TNS3: variants seen among roughly 807,000 people sequenced by gnomAD.
The protein encoded by TNS3 is tensin 3.
TNS3 carries 45 observed loss-of-function variants against 140.9 expected under a neutral mutation model. That is an observed-to-expected ratio of 0.32 (90% CI 0.25 to 0.41). The LOEUF (loss-of-function observed/expected upper bound fraction) is 0.41, where lower values mean the gene tolerates loss of function less well. TNS3 is among the 10% of genes least tolerant of loss of function. TNS3 has a pLI of 1.00. For missense variants in TNS3, 1,716 were observed against 1,906.7 expected, an observed-to-expected ratio of 0.90 and a Z score of 1.86; for synonymous variants, 815 against 788.4, an observed-to-expected ratio of 1.03 and a Z score of -0.56.
intron 3 of TNS3, among the ~76,000 whole-genome samples, chr7:47,501,578 G>A (rs2151863821): frequency 6.6e-6 from 1 of 152,320 alleles, no homozygotes; most frequent in Middle Eastern, 3.4e-3. Flanking sequence ...TGGAAGATGA[G>A]ACAGGCTCAA....
chr7:47,544,232 T>G (rs568571347), intron 1 of TNS3, among the ~76,000 whole-genome samples: 1 of 144,082 alleles, frequency 6.9e-6, no homozygotes, highest in East Asian at 2.3e-4. Flanking sequence ...AGCATCTTCC[T>G]TCCTTCACCT....
chr7:47,438,134 T>C (rs892873450), intron 6 of TNS3, among the ~76,000 whole-genome samples: 1 of 152,216 alleles, frequency 6.6e-6, no homozygotes, highest in South Asian at 2.1e-4. Flanking sequence ...GAGTCAGAGA[T>C]GTGAGGAAAG....
chr7:47,296,952 A>C, intron 24 of TNS3, 130 bp downstream of exon 24: 2 of 1,220,528 alleles, frequency 1.6e-6, no homozygotes, highest in African/African-American at 1.5e-5. Flanking sequence ...ATATACCTGA[A>C]AAAATAAATA....
At chr7:47,303,786 A>G (rs1329818505) in intron 21 of TNS3, among the ~76,000 whole-genome samples, 1 of 152,166 alleles carries the variant, frequency 6.6e-6, no homozygotes, top group Non-Finnish European at 1.5e-5. Flanking sequence ...CCCCCATTTC[A>G]TGCCTGGATG....
intron 28 of TNS3, among the ~76,000 whole-genome samples, chr7:47,282,702 A>G (rs916648367): frequency 5.3e-5 from 8 of 152,144 alleles, no homozygotes; most frequent in Non-Finnish European, 1.0e-4. Context: ...AGGGTCATCT[A>G]CTGGTCAGTG....
intron 1 of TNS3, among the ~76,000 whole-genome samples, chr7:47,538,520 G>T (rs1296183997): frequency 6.6e-6 from 1 of 152,180 alleles, no homozygotes; most frequent in Non-Finnish European, 1.5e-5. Flanking sequence ...ACATGCCTTG[G>T]ATGTGGGGAG....
chr7:47,573,718 C>T (rs908706193), intron 1 of TNS3, among the ~76,000 whole-genome samples: 1 of 152,114 alleles, frequency 6.6e-6, no homozygotes. Context: ...GCAGGCCTGC[C>T]CGGCCAGGGA....
rs1249401158 is a variant in TNS3, at chr7:47,488,860, A to T, written c.-114-7719T>A. ...CTCATCATTCAAGGCTGCTTTTCCAATGGTGCCTGGGGACAGGGGGCTAGG... is the reference window on the plus strand; with the variant it reads ...CTCATCATTCAAGGCTGCTTTTCCATTGGTGCCTGGGGACAGGGGGCTAGG... On this transcript the variant is annotated intron_variant, in intron 3 of 30. Coordinates refer to ENST00000311160, the MANE Select transcript of TNS3 (RefSeq NM_022748.12). 2.6e-5 allele frequency among the ~76,000 whole-genome samples: 4 copies of T among 152,250 alleles called. No individual in the cohort carries two copies. In the East Asian group the frequency reaches 7.7e-4, roughly 29 times the overall value.
At chr7:47,285,090 C>T (rs1785345991) in intron 27 of TNS3, among the ~76,000 whole-genome samples, 1 of 152,198 alleles carries the variant, frequency 6.6e-6, no homozygotes, top group Admixed American at 6.5e-5. Context: ...GGTGTGCTGG[C>T]AGGTGGTCTG....
At chr7:47,536,030 T>G (rs1304510799) in intron 1 of TNS3, among the ~76,000 whole-genome samples, 1 of 152,202 alleles carries the variant, frequency 6.6e-6, no homozygotes, top group African/African-American at 2.4e-5. Context: ...TTTACTCTGA[T>G]GTTAAACAGC....
chr7:47,341,365 G>C (rs927289372), intron 20 of TNS3, among the ~76,000 whole-genome samples: 3 of 152,178 alleles, frequency 2.0e-5, no homozygotes, highest in Admixed American at 6.5e-5. Context: ...GAAACCTGAA[G>C]ATTTCTTTTT....
intron 1 of TNS3, among the ~76,000 whole-genome samples, chr7:47,568,859 G>A (rs966322044): frequency 8.5e-5 from 13 of 152,248 alleles, no homozygotes; most frequent in Non-Finnish European, 1.9e-4. Flanking sequence ...GTGGGCCGCA[G>A]CCTCTTTGAG....
chr7:47,394,478 T>A (rs1393715025), intron 16 of TNS3, among the ~76,000 whole-genome samples: 3 of 152,236 alleles, frequency 2.0e-5, no homozygotes, highest in African/African-American at 7.2e-5. Flanking sequence ...AAATACACGC[T>A]TGTTGTTTAA....
chr7:47,473,077 C>T (rs1284529280), intron 4 of TNS3, among the ~76,000 whole-genome samples: 2 of 152,222 alleles, frequency 1.3e-5, no homozygotes, highest in Non-Finnish European at 1.5e-5. Flanking sequence ...TCAGCATCCA[C>T]ACCCATCGTC....
intron 4 of TNS3, among the ~76,000 whole-genome samples, chr7:47,469,337 C>T (rs1025427951): frequency 1.3e-5 from 2 of 152,218 alleles, no homozygotes; most frequent in Admixed American, 6.5e-5. Flanking sequence ...ACAAACTATG[C>T]ATCCAACAAA....
intron 1 of TNS3, among the ~76,000 whole-genome samples, chr7:47,567,775 T>A (rs1326335607): frequency 6.7e-6 from 1 of 149,174 alleles, no homozygotes; most frequent in African/African-American, 2.5e-5. Context: ...CAGATGCCAA[T>A]GAAAGAAATG....
intron 2 of TNS3, among the ~76,000 whole-genome samples, chr7:47,507,590 C>T (rs1030944028): frequency 1.3e-5 from 2 of 152,110 alleles, no homozygotes; most frequent in Non-Finnish European, 2.9e-5. Flanking sequence ...GTCCTGTGTC[C>T]CTTCGGAGGC....
Position 47,496,853 on chromosome 7 carries a change from G to A in TNS3, c.-115+10054C>T, listed in dbSNP as rs1200008314. On this transcript the variant is annotated intron_variant, in intron 3 of 30. Coordinates refer to ENST00000311160, the MANE Select transcript of TNS3 (RefSeq NM_022748.12). ...GGCCAGGACTACGGAAGTCCTCTGT[G>A]GGGTGAGCCAAGGCAGGGTGAGCCT... Among the ~76,000 whole-genome samples, 9 of 152,350 alleles carry A rather than the reference G, an allele frequency of 5.9e-5. No individual in the cohort carries two copies. In the East Asian group the frequency reaches 1.7e-3, roughly 29 times the overall value.
chr7:47,420,397 C>T (rs1794312419), intron 10 of TNS3, among the ~76,000 whole-genome samples: 1 of 152,156 alleles, frequency 6.6e-6, no homozygotes, highest in African/African-American at 2.4e-5. Flanking sequence ...TGAATGCAGG[C>T]TCCAGGGAGA....
Sources: allele counts gnomAD v4.1 joint callset (sites outside exome capture counted in the v4.1 genomes callset), GRCh38; gene constraint gnomAD v4.1.1; transcripts MANE v1.5; gene names NCBI Gene and HGNC (gene_info 2026-07-23, HGNC 2026-07-21).